The following C1orf198 variants were observed in gnomAD, a reference collection of about 807,000 sequenced individuals.
C1orf198 encodes chromosome 1 open reading frame 198, also known as uncharacterized protein C1orf198.
A neutral mutation model predicts 31.4 loss-of-function variants in C1orf198; 17 were observed. The observed-to-expected ratio is 0.54, with a 90% confidence interval of 0.37 to 0.81. The LOEUF (loss-of-function observed/expected upper bound fraction) is 0.81, where lower values mean the gene tolerates loss of function less well. C1orf198 is among the 40% of genes least tolerant of loss of function. The probability of loss-of-function intolerance (pLI) is 0.00; values close to 1 mark genes in which losing one functional copy is unlikely to be tolerated. For missense variants in C1orf198, 401 were observed against 450.3 expected, an observed-to-expected ratio of 0.89 and a Z score of 0.99; for synonymous variants, 175 against 193.8, an observed-to-expected ratio of 0.90 and a Z score of 0.81.
At chr1:230,855,798 G>T in intron 1 of C1orf198, 80 bp from the exon 2 acceptor site, 1 of 1,550,034 alleles carries the variant, frequency 6.5e-7, no homozygotes, top group Non-Finnish European at 8.7e-7. Flanking sequence ...GACCGTGGGG[G>T]AACCAAAACT....
intron 2 of C1orf198, among the ~76,000 whole-genome samples, chr1:230,846,103 C>A (rs79096153): frequency 1.6e-3 from 238 of 152,346 alleles, no homozygotes; most frequent in African/African-American, 5.3e-3. Flanking sequence ...TTCATGCATA[C>A]AATCTTTTCC....
At chr1:230,849,559 G>T (rs994128152) in intron 2 of C1orf198, among the ~76,000 whole-genome samples, 1 of 152,234 alleles carries the variant, frequency 6.6e-6, no homozygotes, top group Non-Finnish European at 1.5e-5. Flanking sequence ...CACCCCATGC[G>T]GGGAACTGGG....
At chr1:230,863,788 A>G (rs191089238) in intron 1 of C1orf198, among the ~76,000 whole-genome samples, 21 of 151,942 alleles carry the variant, frequency 1.4e-4, no homozygotes, top group Admixed American at 3.9e-4. Flanking sequence ...GGCCATCTCA[A>G]CTCCTGCCCA....
At position 230,839,043 on chromosome 1, in the gene C1orf198, G is replaced by A. The variant is rs1669377782; in HGVS notation, c.*809C>T. 1 of 152,498 alleles carries A rather than the reference G, an allele frequency of 6.6e-6. No individual in the cohort carries two copies. Among genetic ancestry groups the A allele is most frequent in the Non-Finnish European group, 1.5e-5 (1 of 68,118 alleles). 9.4% of individuals were successfully genotyped at this position (152,498 alleles called of 1,614,324 possible). Reference sequence around the variant, plus strand: ...CTGACTCCTGTAGGTGCCCAGTCCGGGGAACAACCAACAGGTCACATAAGC... The same window carrying A: ...CTGACTCCTGTAGGTGCCCAGTCCGAGGAACAACCAACAGGTCACATAAGC... On this transcript the variant is annotated 3_prime_UTR_variant, in exon 4 of 4. Transcript: ENST00000366663.
chr1:230,843,861 G>C lies in C1orf198; in HGVS notation c.420C>G (p.Ile140Met). The C allele has an allele frequency of 6.5e-7, 1 of 1,533,274 alleles. No individual in the cohort carries two copies. Among genetic ancestry groups the C allele is most frequent in the Non-Finnish European group, 8.7e-7 (1 of 1,143,984 alleles). The allele number at this position is 1,533,274 out of a possible 1,614,324, so 95.0% of individuals were successfully genotyped here. ...QMEFSISALSIQEPSNGTAAS... is the reference protein window; with the variant it reads ...QMEFSISALSMQEPSNGTAAS... ...CGGCGGTGCCGTTGCTCGGCTCCTG[G>C]ATGGATAGGGCGGAGATACTGAACT... The change falls in exon 3 of 4, where the codon ATC becomes ATG. Residue 140 changes from isoleucine to methionine, a missense_variant. Coordinates refer to ENST00000366663, the MANE Select transcript of C1orf198 (RefSeq NM_032800.3). The surrounding 1 kb of genome is among the most constrained non-coding windows in gnomAD (Gnocchi z 4.9).
chr1:230,865,400 G>A (rs1235988687), intron 1 of C1orf198, among the ~76,000 whole-genome samples: 1 of 152,242 alleles, frequency 6.6e-6, no homozygotes, highest in Non-Finnish European at 1.5e-5. Context: ...GAGATCATAT[G>A]TTCACACGTG....
intron 2 of C1orf198, among the ~76,000 whole-genome samples, chr1:230,848,123 G>A (rs530717315): frequency 9.2e-5 from 14 of 152,326 alleles, no homozygotes; most frequent in Middle Eastern, 3.4e-3. Flanking sequence ...TGGGTAACAG[G>A]AGACCTGGAG....
intron 2 of C1orf198, among the ~76,000 whole-genome samples, chr1:230,847,144 C>T (rs1669614777): frequency 7.2e-6 from 1 of 139,628 alleles, no homozygotes; most frequent in Non-Finnish European, 1.5e-5. Context: ...CCGGGCATGG[C>T]GACGCATGCC....
intron 1 of C1orf198, among the ~76,000 whole-genome samples, chr1:230,861,869 G>C (rs1452016735): frequency 1.3e-5 from 2 of 152,196 alleles, no homozygotes; most frequent in African/African-American, 4.8e-5. Context: ...GGCAACACGC[G>C]TATTGATGCC....
At position 230,843,733 on chromosome 1, in the gene C1orf198, C is replaced by T; in HGVS notation, c.548G>A (p.Arg183Lys). 1 of 1,614,208 alleles carries T rather than the reference C, an allele frequency of 6.2e-7. No individual in the cohort carries two copies. The highest frequency in any genetic ancestry group is 2.2e-5 in the East Asian group (1 of 44,868). The part of the protein sequence containing the change: ...SSSLDALGPT[R>K]KEEEASFWKI... ...CCAGAATGACGCTTCCTCCTCCTTC[C>T]TGGTGGGGCCCAGGGCGTCCAGGCT... is the stretch of plus-strand genomic sequence containing the variant. The change falls in exon 3 of 4, where the codon AGG becomes AAG. Residue 183 changes from arginine to lysine, a missense_variant. Physicochemically the swap from Arg to Lys is conservative, Grantham distance 26. Transcript: ENST00000366663. This position sits in a 1 kb window ranked among gnomAD's most constrained non-coding sequence, Gnocchi z 4.9.
chr1:230,840,021 C>G lies in C1orf198; in HGVS notation c.928-113G>C. 1.1e-6 allele frequency: 1 copy of G among 878,216 alleles called. No individual in the cohort carries two copies. The highest frequency in any genetic ancestry group is 1.7e-6 in the Non-Finnish European group (1 of 571,508). The allele number at this position is 878,216 out of a possible 1,614,324, so 54.4% of individuals were successfully genotyped here. The stretch of plus-strand genomic sequence containing the variant: ...CCCAGATAAAAGAGCCTACTTCTGT[C>G]TCAGAGGTTCCCTGACCTCAATTTA... On this transcript the variant is annotated intron_variant, in intron 3 of 3. Coordinates refer to ENST00000366663, the MANE Select transcript of C1orf198 (RefSeq NM_032800.3). The surrounding 1 kb of genome is among the most constrained non-coding windows in gnomAD (Gnocchi z 4.0).
At chr1:230,850,137 C>A (rs114986466) in intron 2 of C1orf198, among the ~76,000 whole-genome samples, 214 of 152,336 alleles carry the variant, frequency 1.4e-3, no homozygotes, top group African/African-American at 5.0e-3. Flanking sequence ...CTCACAGGGA[C>A]AAAGACGCAC....
intron 2 of C1orf198, among the ~76,000 whole-genome samples, chr1:230,846,982 A>G (rs1669605750): frequency 6.6e-6 from 1 of 151,876 alleles, no homozygotes; most frequent in Admixed American, 6.6e-5. Flanking sequence ...GGGCGCCTGT[A>G]GTCCCAGCTA....
intron 2 of C1orf198, among the ~76,000 whole-genome samples, chr1:230,847,285 AAAAAAAAG>A (rs1048182150): frequency 2.0e-5 from 3 of 151,890 alleles, no homozygotes; most frequent in African/African-American, 7.2e-5. Context: ...TCTCAAAAAA[AAAAAAAAG>A]AAAAAAAAGA....
intron 1 of C1orf198, among the ~76,000 whole-genome samples, chr1:230,860,827 G>A (rs1050798079): frequency 2.6e-5 from 4 of 152,192 alleles, no homozygotes; most frequent in Non-Finnish European, 2.9e-5. Context: ...ACAACATTGA[G>A]ACTGTACTAA....
intron 2 of C1orf198, among the ~76,000 whole-genome samples, chr1:230,848,354 A>T (rs1017171488): frequency 2.0e-5 from 3 of 152,202 alleles, no homozygotes; most frequent in African/African-American, 7.2e-5. Flanking sequence ...AACAGCCCTG[A>T]TGATCTCATG....
rs558677798 is a variant in C1orf198, at chr1:230,839,159, G to C, written c.*693C>G. On this transcript the variant is annotated 3_prime_UTR_variant, in exon 4 of 4. Transcript: ENST00000366663. ...CTAGATACAAAATAATGAAAAGCTA[G>C]TACAAAACTCTTTAAACATGCAACT... 6.6e-6 allele frequency: 1 copy of C among 152,362 alleles called. No individual in the cohort carries two copies. The highest frequency in any genetic ancestry group is 2.4e-5 in the African/African-American group (1 of 41,572). 9.4% of individuals were successfully genotyped at this position (152,362 alleles called of 1,614,324 possible).
intron 1 of C1orf198, among the ~76,000 whole-genome samples, chr1:230,867,100 G>GA (rs1161235119): frequency 2.0e-5 from 3 of 152,020 alleles, no homozygotes; most frequent in Admixed American, 6.6e-5. Context: ...AACTTCCTCG[G>GA]AAAAAATCTC....
chr1:230,843,222 A>G lies in C1orf198; in HGVS notation c.927+132T>C. Reference sequence around the variant, plus strand: ...GCACCCTGAGCCTAGGCATCCTCTGAGGAAGAGGCAGGGGAAGGAGAAGAA... The same window carrying G: ...GCACCCTGAGCCTAGGCATCCTCTGGGGAAGAGGCAGGGGAAGGAGAAGAA... On this transcript the variant is annotated intron_variant, in intron 3 of 3. Coordinates refer to ENST00000366663, the MANE Select transcript of C1orf198 (RefSeq NM_032800.3). This position sits in a 1 kb window ranked among gnomAD's most constrained non-coding sequence, Gnocchi z 4.9. 1.8e-6 allele frequency: 2 copies of G among 1,090,906 alleles called. No homozygotes were observed. Among genetic ancestry groups the G allele is most frequent in the Non-Finnish European group, 2.6e-6 (2 of 778,298 alleles). 67.6% of individuals were successfully genotyped at this position (1,090,906 alleles called of 1,614,324 possible).
Sources: gnomAD v4.1 joint callset for allele counts (sites outside exome capture counted in the v4.1 genomes callset) on GRCh38, gnomAD v4.1.1 for gene constraint, Gnocchi (gnomAD v3.1) non-coding constraint, MANE v1.5 for transcripts, NCBI Gene and HGNC (gene_info 2026-07-23, HGNC 2026-07-21) for gene names.